The following CEP63 variants were observed in gnomAD, a reference collection of about 807,000 sequenced individuals.
CEP63 encodes centrosomal protein of 63 kDa.
Under a neutral mutation model 89.1 loss-of-function variants are expected in CEP63, and 84 were observed. That is an observed-to-expected ratio of 0.94 (90% CI 0.79 to 1.13). The LOEUF (loss-of-function observed/expected upper bound fraction) is 1.13, where lower values mean the gene tolerates loss of function less well. Ranked by LOEUF, CEP63 falls within the 50% of genes most tolerant of loss-of-function variation. CEP63 has a pLI of 0.00. For synonymous variants in CEP63, 267 were observed against 272.5 expected (o/e 0.98, Z 0.20); for missense variants, 838 against 813.3 (o/e 1.03, Z -0.37).
intron 1 of CEP63, among the ~76,000 whole-genome samples, chr3:134,489,251 T>C (rs1027779646): frequency 1.1e-4 from 17 of 152,214 alleles, no homozygotes; most frequent in African/African-American, 3.6e-4. Flanking sequence ...GGCTGCTTTT[T>C]GAACAGTGCA....
the CEP63 span, among the ~76,000 whole-genome samples, chr3:134,683,907 G>A: frequency 6.6e-6 from 1 of 151,984 alleles, no homozygotes; most frequent in Admixed American, 6.6e-5. Flanking sequence ...CACTGTTAGT[G>A]GTGAGATGTG....
intron 3 of CEP63, among the ~76,000 whole-genome samples, chr3:134,521,343 A>G (rs1030741132): frequency 6.6e-6 from 1 of 152,208 alleles, no homozygotes; most frequent in African/African-American, 2.4e-5. Context: ...GCAAATATTT[A>G]CTTTCAATTT....
chr3:134,738,705 A>G, the CEP63 span, among the ~76,000 whole-genome samples: 2 of 152,156 alleles, frequency 1.3e-5, no homozygotes, highest in Admixed American at 1.3e-4. Flanking sequence ...AAATCTCACA[A>G]ATTACCACTA....
chr3:134,770,628 A>T, the CEP63 span, among the ~76,000 whole-genome samples: 1 of 152,210 alleles, frequency 6.6e-6, no homozygotes, highest in Admixed American at 6.5e-5. Context: ...GTCAAATACC[A>T]TTCAAAATGC....
chr3:134,738,285 CA>C, the CEP63 span, among the ~76,000 whole-genome samples: 16 of 131,418 alleles, frequency 1.2e-4, no homozygotes, highest in African/African-American at 3.9e-4. Context: ...CACACACACA[CA>C]CACCACAATA....
At chr3:134,608,293 ACT>A in the CEP63 span, 1 of 1,220,952 alleles carries the variant, frequency 8.2e-7, no homozygotes, top group Non-Finnish European at 1.0e-6. Flanking sequence ...ACTGAGAGAG[ACT>A]CACCCAGCTA....
At chr3:134,766,109 G>A in the CEP63 span, among the ~76,000 whole-genome samples, 1 of 152,214 alleles carries the variant, frequency 6.6e-6, no homozygotes, top group African/African-American at 2.4e-5. Flanking sequence ...CTCTGGTAGT[G>A]AAAAGTTCTG....
At chr3:134,537,009 G>A in intron 5 of CEP63, 146 bp from the exon 6 acceptor site, 2 of 697,708 alleles carry the variant, frequency 2.9e-6, no homozygotes, top group South Asian at 2.9e-5. Flanking sequence ...AGCTCTGTTA[G>A]CTGAGTGAGT....
At chr3:134,532,957 G>A in intron 5 of CEP63, 57 bp downstream of exon 5, 1 of 1,592,860 alleles carries the variant, frequency 6.3e-7, no homozygotes, top group Non-Finnish European at 8.6e-7. Context: ...GTAGGAAAAT[G>A]CGGTTTCTAA....
the CEP63 span, among the ~76,000 whole-genome samples, chr3:134,751,043 A>G: frequency 6.6e-6 from 1 of 152,248 alleles, no homozygotes; most frequent in South Asian, 2.1e-4. Context: ...AACTGTCTGA[A>G]TAGATTTGCC....
At chr3:134,499,592 G>A (rs544853408) in intron 2 of CEP63, among the ~76,000 whole-genome samples, 2 of 151,940 alleles carry the variant, frequency 1.3e-5, no homozygotes, top group East Asian at 3.9e-4. Context: ...GAAGTGCATC[G>A]TTAGGTTGTT....
the CEP63 span, among the ~76,000 whole-genome samples, chr3:134,732,545 C>T: frequency 1.3e-5 from 2 of 151,816 alleles, no homozygotes; most frequent in African/African-American, 2.4e-5. Flanking sequence ...AGAAGAAATA[C>T]ATTTGAATGA....
chr3:134,743,521 A>G, the CEP63 span, among the ~76,000 whole-genome samples: 11 of 152,250 alleles, frequency 7.2e-5, no homozygotes, highest in South Asian at 1.5e-3. Context: ...TCATGGAACT[A>G]TTTGACTGAG....
At chr3:134,651,033 G>A in the CEP63 span, 1 of 1,597,976 alleles carries the variant, frequency 6.3e-7, no homozygotes, top group Non-Finnish European at 8.5e-7. Context: ...GGCCCCGTGC[G>A]CGCAGCTGCC....
the CEP63 span, among the ~76,000 whole-genome samples, chr3:134,722,736 C>A: frequency 3.9e-5 from 6 of 152,096 alleles, no homozygotes; most frequent in Admixed American, 1.3e-4. Context: ...AATGTTAGCT[C>A]CTTTCTTTAT....
the CEP63 span, chr3:134,629,543 G>T: frequency 9.1e-7 from 1 of 1,096,962 alleles, no homozygotes; most frequent in African/African-American, 1.6e-5. Flanking sequence ...GAAGATGCTT[G>T]GGCTGGGATC....
the CEP63 span, among the ~76,000 whole-genome samples, chr3:134,757,879 G>A: frequency 6.6e-6 from 1 of 152,140 alleles, no homozygotes; most frequent in African/African-American, 2.4e-5. Context: ...GCCCCTCCGT[G>A]GAGGGGAATT....
the CEP63 span, among the ~76,000 whole-genome samples, chr3:134,689,914 C>A: frequency 6.6e-6 from 1 of 152,152 alleles, no homozygotes; most frequent in African/African-American, 2.4e-5. Flanking sequence ...AAGCTGGCCC[C>A]TTCCATAGCG....
At chr3:134,509,226 C>T (rs893194206) in intron 3 of CEP63, among the ~76,000 whole-genome samples, 2 of 152,014 alleles carry the variant, frequency 1.3e-5, no homozygotes, top group Non-Finnish European at 2.9e-5. Context: ...TCAGTTATGG[C>T]GGAAGGCAAA....
Sources: allele counts gnomAD v4.1 joint callset (sites outside exome capture counted in the v4.1 genomes callset), GRCh38; gene constraint gnomAD v4.1.1; transcripts MANE v1.5; gene names NCBI Gene and HGNC (gene_info 2026-07-23, HGNC 2026-07-21).